Variants in CDCP1 observed in about 807,000 individuals in gnomAD.
CDCP1 encodes the protein CUB domain-containing protein 1.
CDCP1 carries 29 observed loss-of-function variants against 60.2 expected under a neutral mutation model. The observed-to-expected ratio is 0.48, with a 90% CI of 0.36 to 0.66. The LOEUF (loss-of-function observed/expected upper bound fraction) is 0.66, where lower values mean the gene tolerates loss of function less well. Among genes scored for constraint, CDCP1 ranks in the 30% least tolerant of loss-of-function variants. The pLI is 0.00. For missense variants in CDCP1, 876 were observed against 1,074.3 expected (o/e 0.82, Z 2.58); for synonymous variants, 387 against 431.1 (o/e 0.90, Z 1.27).
At chr3:45,101,747 A>G (rs1698487551) in intron 4 of CDCP1, among the ~76,000 whole-genome samples, 1 of 152,010 alleles carries the variant, frequency 6.6e-6, no homozygotes, top group Admixed American at 6.6e-5. Flanking sequence ...TTAGCTTGGC[A>G]TGGTGGCGCA....
chr3:45,098,655 C>T (rs1438917949), intron 4 of CDCP1, among the ~76,000 whole-genome samples: 1 of 151,454 alleles, frequency 6.6e-6, no homozygotes, highest in Non-Finnish European at 1.5e-5. Context: ...ACACACACTT[C>T]CCATTCCCAT....
chr3:45,139,655 G>A (rs574977598), intron 1 of CDCP1: 10 of 152,406 alleles, frequency 6.6e-5, no homozygotes, highest in East Asian at 1.9e-4. Flanking sequence ...CAACTCCAGC[G>A]AGACTTGTCA....
At chr3:45,125,036 G>T (rs933862107) in intron 1 of CDCP1, among the ~76,000 whole-genome samples, 2 of 152,162 alleles carry the variant, frequency 1.3e-5, no homozygotes, top group Non-Finnish European at 2.9e-5. Flanking sequence ...CAACCATCTG[G>T]GGGTGGTGGT....
chr3:45,143,803 A>T (rs1699336472), intron 1 of CDCP1, among the ~76,000 whole-genome samples: 1 of 151,912 alleles, frequency 6.6e-6, no homozygotes, highest in African/African-American at 2.4e-5. Flanking sequence ...AACAGGTCTG[A>T]CTCCAAGTCA....
intron 4 of CDCP1, among the ~76,000 whole-genome samples, chr3:45,106,344 T>G (rs1368565485): frequency 2.6e-5 from 4 of 152,136 alleles, no homozygotes; most frequent in African/African-American, 9.7e-5. Context: ...TTTGAGAAGG[T>G]CTCCAGGCTC....
At chr3:45,129,860 A>G (rs1699057853) in intron 1 of CDCP1, among the ~76,000 whole-genome samples, 1 of 152,204 alleles carries the variant, frequency 6.6e-6, no homozygotes, top group African/African-American at 2.4e-5. Context: ...AAAAATCCAC[A>G]CACAAAAGAC....
Position 45,146,322 on chromosome 3 carries a change from G to A in CDCP1, c.-35C>T, listed in dbSNP as rs1368177413. On this transcript the variant is annotated 5_prime_UTR_variant, in exon 1 of 9. Transcript: ENST00000296129. ...ACGCCTCGGCCTCGGTGGGGAAAAC[G>A]ACGGTGGGGAGCGGCGGCCCCAGGC... 3 of 1,525,138 alleles carry A rather than the reference G, an allele frequency of 2.0e-6. No individual in the cohort carries two copies. The highest frequency in any genetic ancestry group is 2.6e-6 in the Non-Finnish European group (3 of 1,138,348). The allele number at this position is 1,525,138 out of a possible 1,614,324, so 94.5% of individuals were successfully genotyped here.
chr3:45,094,269 A>G (rs1474818374), intron 5 of CDCP1, among the ~76,000 whole-genome samples: 1 of 151,714 alleles, frequency 6.6e-6, no homozygotes, highest in East Asian at 1.9e-4. Context: ...TCTATTGCCC[A>G]GGCTGGAGTG....
At chr3:45,098,100 C>T (rs1320976103) in intron 4 of CDCP1, among the ~76,000 whole-genome samples, 5 of 152,064 alleles carry the variant, frequency 3.3e-5, no homozygotes, top group Non-Finnish European at 7.4e-5. Context: ...CCCCGCCACA[C>T]ACTGCAGTGG....
At position 45,091,658 on chromosome 3, in the gene CDCP1, T is replaced by C; in HGVS notation, c.1628-120A>G. ...ACCAGCGCTGTCTAACCGAACTTTC[T>C]GCGATGATGGAAATCTTCTAGATCT... On this transcript the variant is annotated intron_variant, in intron 6 of 8. Transcript: ENST00000296129. The surrounding 1 kb of genome is among the most constrained non-coding windows in gnomAD (Gnocchi z 4.8). 8.1e-7 allele frequency: 1 copy of C among 1,231,432 alleles called. No individual in the cohort carries two copies. Among genetic ancestry groups the C allele is most frequent in the Non-Finnish European group, 1.1e-6 (1 of 912,070 alleles). 76.3% of individuals were successfully genotyped at this position (1,231,432 alleles called of 1,614,324 possible). A position where few individuals can be genotyped will look rare whatever the true frequency, so the allele number is the denominator to read the frequency against.
At chr3:45,129,293 C>G (rs2126005441) in intron 1 of CDCP1, among the ~76,000 whole-genome samples, 1 of 152,338 alleles carries the variant, frequency 6.6e-6, no homozygotes, top group East Asian at 1.9e-4. Flanking sequence ...TCTTAAGGCT[C>G]CTTGTCAATC....
At chr3:45,089,239 A>C in intron 7 of CDCP1, 98 bp from the exon 8 acceptor site, 5 of 903,772 alleles carry the variant, frequency 5.5e-6, no homozygotes, top group Non-Finnish European at 9.0e-6. Flanking sequence ...ATCTCTCCAA[A>C]GGTGGAGCGC....
At chr3:45,138,111 G>A (rs1301059495) in intron 1 of CDCP1, among the ~76,000 whole-genome samples, 1 of 152,206 alleles carries the variant, frequency 6.6e-6, no homozygotes. Flanking sequence ...ATGTAACTGA[G>A]CATGACAATT....
intron 4 of CDCP1, among the ~76,000 whole-genome samples, chr3:45,101,096 CAG>C (rs1698478736): frequency 6.6e-6 from 1 of 152,192 alleles, no homozygotes; most frequent in South Asian, 2.1e-4. Context: ...AGTCTTGCGA[CAG>C]AGTTTGAAAA....
chr3:45,133,677 C>T (rs1346810369), intron 1 of CDCP1, among the ~76,000 whole-genome samples: 2 of 55,038 alleles, frequency 3.6e-5, no homozygotes, highest in South Asian at 1.6e-3. Context: ...GAGATCGCGC[C>T]ACTGCACTCC....
intron 2 of CDCP1, among the ~76,000 whole-genome samples, chr3:45,115,973 T>A (rs1559395365): frequency 6.6e-6 from 1 of 152,202 alleles, no homozygotes; most frequent in Non-Finnish European, 1.5e-5. Context: ...ATATTTTGCT[T>A]CGTATACTTT....
intron 5 of CDCP1, among the ~76,000 whole-genome samples, chr3:45,094,272 C>G (rs1165610574): frequency 6.6e-6 from 1 of 151,872 alleles, no homozygotes; most frequent in Non-Finnish European, 1.5e-5. Flanking sequence ...ATTGCCCAGG[C>G]TGGAGTGAAG....
Position 45,085,567 on chromosome 3 carries a change from G to A in CDCP1, c.*71C>T. ...TAATTCCTCTTCTTTAGGATTTCTG[G>A]TTAGGAACACGGACGGGTGTCTCAG... On this transcript the variant is annotated 3_prime_UTR_variant, in exon 9 of 9. Transcript: ENST00000296129. This position sits in a 1 kb window ranked among gnomAD's most constrained non-coding sequence, Gnocchi z 4.2. 1 of 1,452,844 alleles carries A rather than the reference G, an allele frequency of 6.9e-7. No homozygotes were observed. The highest frequency in any genetic ancestry group is 1.4e-5 in the African/African-American group (1 of 70,628). The allele number at this position is 1,452,844 out of a possible 1,614,324, so 90.0% of individuals were successfully genotyped here. A position where few individuals can be genotyped will look rare whatever the true frequency, so the allele number is the denominator to read the frequency against.
rs1698131908 is a variant in CDCP1, at chr3:45,083,165, A to G, written c.*2473T>C. The G allele has an allele frequency of 1.3e-5, 2 of 152,222 alleles. No individual in the cohort carries two copies. Among genetic ancestry groups the G allele is most frequent in the Admixed American group, 6.5e-5 (1 of 15,288 alleles). 9.4% of individuals were successfully genotyped at this position (152,222 alleles called of 1,614,324 possible). On this transcript the variant is annotated 3_prime_UTR_variant, in exon 9 of 9. Coordinates refer to ENST00000296129, the MANE Select transcript of CDCP1 (RefSeq NM_022842.5). ...AGAATGGAGGGCTAGGGCTCCACAC[A>G]GTGAATTCAAATAAGGGCTCTTCAG...
Sources: allele counts gnomAD v4.1 joint callset (sites outside exome capture counted in the v4.1 genomes callset), GRCh38; gene constraint gnomAD v4.1.1; non-coding constraint Gnocchi (gnomAD v3.1); transcripts MANE v1.5; gene names NCBI Gene and HGNC (gene_info 2026-07-23, HGNC 2026-07-21).